The following CRACD variants were observed in gnomAD, a reference collection of about 807,000 sequenced individuals.
CRACD encodes the protein capping protein-inhibiting regulator of actin dynamics.
In CRACD, 56 loss-of-function variants were observed where a neutral mutation model predicts 106.8. The ratio of observed to expected loss-of-function variants is 0.52; its 90% confidence interval spans 0.42 to 0.66. CRACD has a LOEUF of 0.66. Ranked by LOEUF, CRACD falls within the 30% of genes least tolerant of loss-of-function variation. The probability of loss-of-function intolerance (pLI) is 0.00; values close to 1 mark genes in which losing one functional copy is unlikely to be tolerated. For synonymous variants in CRACD, 754 were observed against 670.8 expected, an observed-to-expected ratio of 1.12 and a Z score of -1.92; for missense variants, 1,730 against 1,623.2, an observed-to-expected ratio of 1.07 and a Z score of -1.13.
intron 1 of CRACD, among the ~76,000 whole-genome samples, chr4:56,166,659 G>A (rs1736165184): frequency 1.8e-5 from 2 of 110,648 alleles, no homozygotes; most frequent in South Asian, 6.5e-4. Context: ...GGGTGAGACA[G>A]AGAGACACTC....
chr4:56,107,898 G>A (rs1007970370), intron 1 of CRACD, among the ~76,000 whole-genome samples: 1 of 152,162 alleles, frequency 6.6e-6, no homozygotes, highest in African/African-American at 2.4e-5. Context: ...ATCGCTAGTT[G>A]CTTACAACAT....
chr4:56,121,524 A>T (rs781490247), intron 1 of CRACD, among the ~76,000 whole-genome samples: 11 of 152,088 alleles, frequency 7.2e-5, no homozygotes, highest in Non-Finnish European at 1.5e-4. Context: ...TGCACCTGTA[A>T]TCCCAGCTAC....
At position 56,298,216 on chromosome 4, in the gene CRACD, C is replaced by A. The variant is rs1271711066; in HGVS notation, c.-14C>A. On this transcript the variant is annotated splice_region_variant and 5_prime_UTR_variant, in exon 4 of 11. Transcript: ENST00000682029. ...GAAGCACATGATTTACCTTCCAGGT[C>A]CTTCAACTATTCTATGGGAACCCGG... The A allele has an allele frequency of 5.6e-6, 9 of 1,612,692 alleles. No homozygotes were observed. Among genetic ancestry groups the A allele is most frequent in the Non-Finnish European group, 6.8e-6 (8 of 1,179,570 alleles).
At position 56,315,267 on chromosome 4, in the gene CRACD, C is replaced by T. The variant is rs1022998609; in HGVS notation, c.1765C>T (p.Leu589=). The change falls in exon 8 of 11, where the codon CTG becomes TTG. Residue 589 remains leucine, a synonymous_variant. Coordinates refer to ENST00000682029, the MANE Select transcript of CRACD (RefSeq NM_001393381.1). The surrounding 1 kb of genome is among the most constrained non-coding windows in gnomAD (Gnocchi z 4.1). ...SPVQHALPSS[L]SVPHTAILVT... is the part of the protein sequence containing the mutation. The stretch of plus-strand genomic sequence containing the variant: ...AGTCCAGCACGCCCTACCGTCGTCC[C>T]TGAGCGTTCCCCACACCGCCATTCT... 1 of 1,610,922 alleles carries T rather than the reference C, an allele frequency of 6.2e-7. No homozygotes were observed. The highest frequency in any genetic ancestry group is 8.5e-7 in the Non-Finnish European group (1 of 1,178,964).
intron 2 of CRACD, among the ~76,000 whole-genome samples, chr4:56,267,822 G>A (rs1279698513): frequency 6.6e-6 from 1 of 152,190 alleles, no homozygotes; most frequent in African/African-American, 2.4e-5. Context: ...CATATTAAGT[G>A]TGGCAAAGAA....
intron 1 of CRACD, among the ~76,000 whole-genome samples, chr4:56,162,568 A>G (rs1467337312): frequency 1.3e-5 from 2 of 152,172 alleles, no homozygotes; most frequent in East Asian, 3.8e-4. Flanking sequence ...CTTTTTCATA[A>G]TATCCTTTGA....
Position 56,185,035 on chromosome 4 carries a change from G to C in CRACD, c.-189+5605G>C, listed in dbSNP as rs190336395. On this transcript the variant is annotated intron_variant, in intron 2 of 10. Transcript: ENST00000682029. Reference sequence around the variant, plus strand: ...GCAGTGGCGCGATCTCAGCTCACTGGAAGCTCCGCCTCCTGGGTTCACGCC... The same window carrying C: ...GCAGTGGCGCGATCTCAGCTCACTGCAAGCTCCGCCTCCTGGGTTCACGCC... Among the ~76,000 whole-genome samples, 420 of 152,130 alleles carry C rather than the reference G, an allele frequency of 2.8e-3. 4 individuals carry two copies. Among genetic ancestry groups the C allele is most frequent in the African/African-American group, 9.4e-3 (390 of 41,496 alleles).
intron 1 of CRACD, among the ~76,000 whole-genome samples, chr4:56,099,390 C>T (rs1356071948): frequency 2.6e-5 from 4 of 152,184 alleles, no homozygotes; most frequent in Non-Finnish European, 5.9e-5. Context: ...GATGTACTCA[C>T]TTGCCTTTGT....
intron 2 of CRACD, among the ~76,000 whole-genome samples, chr4:56,211,388 C>T (rs552085650): frequency 3.9e-4 from 60 of 152,314 alleles, no homozygotes; most frequent in African/African-American, 1.4e-3. Flanking sequence ...CTGCCCACTC[C>T]GCCTGCCCAG....
chr4:56,266,392 A>G (rs1260267306), intron 2 of CRACD, among the ~76,000 whole-genome samples: 1 of 152,174 alleles, frequency 6.6e-6, no homozygotes, highest in African/African-American at 2.4e-5. Context: ...TTAACCCTTA[A>G]CTAGAGCTGC....
chr4:56,141,441 A>G (rs1423079941), intron 1 of CRACD, among the ~76,000 whole-genome samples: 3 of 151,970 alleles, frequency 2.0e-5, no homozygotes, highest in Non-Finnish European at 4.4e-5. Flanking sequence ...CTTAAAGATT[A>G]TCTTTCTTGG....
At chr4:56,295,045 A>G (rs1372639753) in intron 3 of CRACD, among the ~76,000 whole-genome samples, 1 of 152,022 alleles carries the variant, frequency 6.6e-6, no homozygotes, top group Non-Finnish European at 1.5e-5. Flanking sequence ...TACAGCAATT[A>G]AGATAGTGTG....
chr4:56,296,916 GT>G (rs1744076367), intron 3 of CRACD, among the ~76,000 whole-genome samples: 5 of 123,532 alleles, frequency 4.0e-5, no homozygotes, highest in African/African-American at 1.5e-4. Flanking sequence ...CTTTTTTTTT[GT>G]TTGTTTTTTT....
intron 1 of CRACD, among the ~76,000 whole-genome samples, chr4:56,056,378 G>T (rs1732062804): frequency 6.6e-6 from 1 of 152,198 alleles, no homozygotes; most frequent in Admixed American, 6.5e-5. Context: ...AACTTCTAGT[G>T]TTAAGAGAAA....
intron 1 of CRACD, among the ~76,000 whole-genome samples, chr4:56,076,018 C>A (rs1291763853): frequency 6.6e-6 from 1 of 152,172 alleles, no homozygotes; most frequent in Non-Finnish European, 1.5e-5. Flanking sequence ...AAGAATGTTT[C>A]CCTTCAAATT....
chr4:56,316,093 C>A lies in CRACD; in HGVS notation c.2591C>A (p.Ala864Glu). The A allele has an allele frequency of 6.2e-7, 1 of 1,614,160 alleles. No individual in the cohort carries two copies. The highest frequency in any genetic ancestry group is 8.5e-7 in the Non-Finnish European group (1 of 1,180,034). The change falls in exon 8 of 11, where the codon GCA becomes GAA. Residue 864 changes from alanine (A) to glutamate (E), a missense_variant. This residue lies in a region of CRACD where 1,620 missense variants were observed against 1,481.6 expected (regional missense o/e 1.09). Coordinates refer to ENST00000682029, the MANE Select transcript of CRACD (RefSeq NM_001393381.1). Reference protein sequence around the residue: ...YSLRFNCDQQAEQKKKKRHSS... With the variant: ...YSLRFNCDQQEEQKKKKRHSS... ...TTGCGCTTCAACTGCGACCAACAGG[C>A]AGAACAGAAGAAGAAGAAGAGGCAC...
chr4:56,271,878 A>G (rs1742368253), intron 2 of CRACD, among the ~76,000 whole-genome samples: 2 of 152,092 alleles, frequency 1.3e-5, no homozygotes, highest in African/African-American at 4.8e-5. Flanking sequence ...CTAAGTAGCC[A>G]AGACTAAAGG....
At chr4:56,324,633 T>A (rs1746313577) in intron 10 of CRACD, among the ~76,000 whole-genome samples, 1 of 152,216 alleles carries the variant, frequency 6.6e-6, no homozygotes, top group African/African-American at 2.4e-5. Context: ...AGCACGGCAG[T>A]ATGAGCCATC....
chr4:56,309,625 G>A (rs1744992594), intron 5 of CRACD, among the ~76,000 whole-genome samples: 1 of 152,030 alleles, frequency 6.6e-6, no homozygotes, highest in South Asian at 2.1e-4. Flanking sequence ...AGGCCGAGGT[G>A]GGCGGGTCAC....
Sources: allele counts gnomAD v4.1 joint callset (sites outside exome capture counted in the v4.1 genomes callset), GRCh38; gene constraint gnomAD v4.1.1; regional missense constraint gnomAD v4.1.1; non-coding constraint Gnocchi (gnomAD v3.1); transcripts MANE v1.5; gene names NCBI Gene and HGNC (gene_info 2026-07-23, HGNC 2026-07-21).